Variants in CNTN6 observed in about 807,000 individuals in gnomAD.
The protein encoded by CNTN6 is contactin 6.
CNTN6 carries 137 observed loss-of-function variants against 122.8 expected under a neutral mutation model. The observed-to-expected ratio is 1.12, with a 90% confidence interval of 0.97 to 1.29. The LOEUF (loss-of-function observed/expected upper bound fraction) is 1.29, where lower values mean the gene tolerates loss of function less well. Ranked by LOEUF, CNTN6 falls within the 50% of genes most tolerant of loss-of-function variation. CNTN6 has a pLI of 0.00. For synonymous variants in CNTN6, 570 were observed against 426.0 expected (o/e 1.34, Z -4.16); for missense variants, 1,634 against 1,223.4 (o/e 1.34, Z -5.01).
At chr3:1,247,356 T>G (rs527308827) in intron 4 of CNTN6, among the ~76,000 whole-genome samples, 1 of 152,326 alleles carries the variant, frequency 6.6e-6, no homozygotes, top group Admixed American at 6.5e-5. Context: ...TTTTTCTCTC[T>G]TCCTTTGTTG....
intron 20 of CNTN6, among the ~76,000 whole-genome samples, chr3:1,387,486 G>C (rs1693208373): frequency 6.6e-6 from 1 of 152,162 alleles, no homozygotes; most frequent in Non-Finnish European, 1.5e-5. Context: ...CAATCAATCA[G>C]CAGTTTTCAG....
intron 11 of CNTN6, among the ~76,000 whole-genome samples, chr3:1,342,815 T>C (rs796453006): frequency 7.2e-5 from 11 of 152,292 alleles, no homozygotes; most frequent in African/African-American, 2.6e-4. Flanking sequence ...TGATTAAGAT[T>C]TGTTTTATAC....
intron 2 of CNTN6, among the ~76,000 whole-genome samples, chr3:1,199,580 A>C (rs1303694630): frequency 6.6e-6 from 1 of 151,896 alleles, no homozygotes; most frequent in African/African-American, 2.4e-5. Flanking sequence ...TTGAAATGTA[A>C]AAAAAAATGC....
At position 1,324,871 on chromosome 3, in the gene CNTN6, A is replaced by G. The variant is rs1009858453; in HGVS notation, c.947-944A>G. ...TGTCATCTTGAACAGGTTACCTAAC[A>G]TCGCTGCGAGAATCCACTGAAAGAT... is the stretch of plus-strand genomic sequence containing the variant. On this transcript the variant is annotated intron_variant, in intron 8 of 22. Coordinates refer to ENST00000446702, the MANE Select transcript of CNTN6 (RefSeq NM_001289080.2). 2.0e-5 allele frequency among the ~76,000 whole-genome samples: 3 copies of G among 149,612 alleles called. 1 individual carries two copies. Among genetic ancestry groups the G allele is most frequent in the African/African-American group, 7.6e-5 (3 of 39,266 alleles).
At position 1,093,053 on chromosome 3, in the gene CNTN6, C is replaced by CT; in HGVS notation, c.-150_-149insT. ...GGCTTGGTTCTGCCTGGACGCACAG[C>CT]ATGCCTGGCTGAGAGCTTGAAACAG... is the stretch of plus-strand genomic sequence containing the variant. On this transcript the variant is annotated 5_prime_UTR_variant, in exon 1 of 23. Coordinates refer to ENST00000446702, the MANE Select transcript of CNTN6 (RefSeq NM_001289080.2). 3.1e-6 allele frequency: 1 copy of CT among 319,566 alleles called. No individual in the cohort carries two copies. Among genetic ancestry groups the CT allele is most frequent in the South Asian group, 2.5e-5 (1 of 40,024 alleles). The allele number at this position is 319,566 out of a possible 1,614,324, so 19.8% of individuals were successfully genotyped here.
Position 1,352,556 on chromosome 3 carries a change from T to C in CNTN6, c.1492+105T>C. On this transcript the variant is annotated intron_variant, in intron 12 of 22. Transcript: ENST00000446702. ...CTGTACCATATTGTGTATGTAAAATTGTTGATTTCACAAGTTATCTAAGAG... is the reference window on the plus strand; with the variant it reads ...CTGTACCATATTGTGTATGTAAAATCGTTGATTTCACAAGTTATCTAAGAG... 2 of 1,364,302 alleles carry C rather than the reference T, an allele frequency of 1.5e-6. 1 individual carries two copies. The highest frequency in any genetic ancestry group is 2.7e-5 in the South Asian group (2 of 75,142). The allele number at this position is 1,364,302 out of a possible 1,614,324, so 84.5% of individuals were successfully genotyped here. A position where few individuals can be genotyped will look rare whatever the true frequency, so the allele number is the denominator to read the frequency against.
At chr3:1,300,555 GAAAAAGAAAGAAAGAAAGAA>G (rs1481109624) in intron 7 of CNTN6, among the ~76,000 whole-genome samples, 2 of 80,896 alleles carry the variant, frequency 2.5e-5, no homozygotes, top group East Asian at 1.3e-3. Flanking sequence ...GAAAGAGAAA[GAAAAAGAAAGAAAGAAAGAA>G]AGAAAGAAAG....
chr3:1,273,697 A>G (rs1459270655), intron 4 of CNTN6, among the ~76,000 whole-genome samples: 1 of 152,248 alleles, frequency 6.6e-6, no homozygotes, highest in Non-Finnish European at 1.5e-5. Flanking sequence ...ACATTTTGGA[A>G]TGACTGTTTT....
At chr3:1,233,918 A>C (rs2094389981) in intron 4 of CNTN6, among the ~76,000 whole-genome samples, 1 of 152,070 alleles carries the variant, frequency 6.6e-6, no homozygotes, top group South Asian at 2.1e-4. Flanking sequence ...GCACCACATC[A>C]CAGGATTGAT....
intron 1 of CNTN6, among the ~76,000 whole-genome samples, chr3:1,093,891 GA>G (rs1255298432): frequency 6.6e-6 from 1 of 152,172 alleles, no homozygotes; most frequent in Admixed American, 6.5e-5. Flanking sequence ...GGTTTGGGGG[GA>G]AAATTGGAAT....
intron 5 of CNTN6, among the ~76,000 whole-genome samples, chr3:1,283,151 T>C (rs765531001): frequency 6.6e-6 from 1 of 152,144 alleles, no homozygotes; most frequent in Non-Finnish European, 1.5e-5. Context: ...TTTTTATATT[T>C]TTAGTAGAGA....
At chr3:1,100,374 T>C (rs1448093508) in intron 1 of CNTN6, among the ~76,000 whole-genome samples, 1 of 152,190 alleles carries the variant, frequency 6.6e-6, no homozygotes. Flanking sequence ...GGGGACTGTT[T>C]ATGATGTAAT....
At chr3:1,253,044 C>G (rs886659744) in intron 4 of CNTN6, among the ~76,000 whole-genome samples, 30 of 152,160 alleles carry the variant, frequency 2.0e-4, no homozygotes, top group Non-Finnish European at 2.8e-4. Flanking sequence ...AGGTAGAGTC[C>G]TATGTGCGTG....
intron 4 of CNTN6, among the ~76,000 whole-genome samples, chr3:1,266,507 T>G (rs2094928529): frequency 6.6e-6 from 1 of 152,218 alleles, no homozygotes; most frequent in South Asian, 2.1e-4. Flanking sequence ...ACGCTTCTTG[T>G]ATAAACAGGA....
At chr3:1,201,316 A>G (rs1575212126) in intron 2 of CNTN6, among the ~76,000 whole-genome samples, 1 of 151,810 alleles carries the variant, frequency 6.6e-6, no homozygotes, top group African/African-American at 2.4e-5. Context: ...TTTTTTCCCT[A>G]TGATTGGGTT....
intron 17 of CNTN6, among the ~76,000 whole-genome samples, chr3:1,380,502 TGTG>T (rs1710504521): frequency 6.6e-6 from 1 of 152,198 alleles, no homozygotes; most frequent in Admixed American, 6.5e-5. Context: ...TTGAGGTGCT[TGTG>T]GTGAATGTCT....
At chr3:1,102,085 C>G (rs550814485) in intron 1 of CNTN6, among the ~76,000 whole-genome samples, 1 of 152,220 alleles carries the variant, frequency 6.6e-6, no homozygotes, top group African/African-American at 2.4e-5. Context: ...GGTGAAGTTT[C>G]TAGTAATTTA....
chr3:1,298,232 A>C (rs1227742955), intron 7 of CNTN6: 3 of 422,240 alleles, frequency 7.1e-6, no homozygotes, highest in Non-Finnish European at 1.3e-5. Flanking sequence ...ATATTTCCTT[A>C]GTTTAAGCAT....
At chr3:1,100,911 G>A (rs1197066970) in intron 1 of CNTN6, among the ~76,000 whole-genome samples, 1 of 151,904 alleles carries the variant, frequency 6.6e-6, no homozygotes, top group African/African-American at 2.4e-5. Context: ...TATTACTTAT[G>A]TCTGCTGGAT....
Sources: allele counts gnomAD v4.1 joint callset (sites outside exome capture counted in the v4.1 genomes callset), GRCh38; gene constraint gnomAD v4.1.1; transcripts MANE v1.5; gene names NCBI Gene and HGNC (gene_info 2026-07-23, HGNC 2026-07-21).